Variants in AK4 observed in about 807,000 individuals in gnomAD.
The protein encoded by AK4 is adenylate kinase 4, mitochondrial.
Under a neutral mutation model 24.6 loss-of-function variants are expected in AK4, and 13 were observed. That is an observed-to-expected ratio of 0.53 (90% CI 0.34 to 0.84). The LOEUF is 0.84. AK4 is among the 40% of genes least tolerant of loss of function. The pLI, the probability that AK4 is intolerant of heterozygous loss-of-function variation, is 0.01. For missense variants in AK4, 192 were observed against 288.2 expected (o/e 0.67, Z 2.42); for synonymous variants, 88 against 107.0 (o/e 0.82, Z 1.10).
intron 2 of AK4, among the ~76,000 whole-genome samples, chr1:65,209,637 T>G (rs1010743468): frequency 1.3e-5 from 2 of 152,196 alleles, no homozygotes; most frequent in African/African-American, 4.8e-5. Context: ...GAAGTACACC[T>G]GAATTGCTTT....
chr1:65,225,304 G>A (rs1222388393), intron 4 of AK4, among the ~76,000 whole-genome samples: 1 of 152,136 alleles, frequency 6.6e-6, no homozygotes, highest in Non-Finnish European at 1.5e-5. Context: ...GTAAACCAGA[G>A]ATTAAAAATT....
chr1:65,209,437 A>G (rs1651908371), intron 2 of AK4, among the ~76,000 whole-genome samples: 1 of 152,196 alleles, frequency 6.6e-6, no homozygotes, highest in Admixed American at 6.5e-5. Flanking sequence ...TTCTCTCTAA[A>G]TGGAAAAATT....
At chr1:65,207,558 T>G (rs867032802) in intron 2 of AK4, among the ~76,000 whole-genome samples, 1 of 151,722 alleles carries the variant, frequency 6.6e-6, no homozygotes, top group African/African-American at 2.4e-5. Flanking sequence ...TGCTGTTTTT[T>G]TTTTTTTTTT....
At chr1:65,181,902 T>C (rs549937368) in intron 1 of AK4, among the ~76,000 whole-genome samples, 1 of 151,864 alleles carries the variant, frequency 6.6e-6, no homozygotes, top group South Asian at 2.1e-4. Context: ...TGGCACAGAG[T>C]AGTTGCTCAG....
intron 1 of AK4, among the ~76,000 whole-genome samples, chr1:65,184,645 T>C (rs2101031224): frequency 6.6e-6 from 1 of 152,310 alleles, no homozygotes; most frequent in East Asian, 1.9e-4. Flanking sequence ...AGCAGGTAAG[T>C]CCATGCATGC....
chr1:65,218,633 T>C lies in AK4; in HGVS notation c.266-121T>C. On this transcript the variant is annotated intron_variant, in intron 2 of 4. Coordinates refer to ENST00000327299, the MANE Select transcript of AK4 (RefSeq NM_013410.4). ...GATGCAAATGATCCCATCACCCAGA[T>C]AGTGTAAAGCTCCTTTTAGAATGGT... 5.5e-6 allele frequency: 5 copies of C among 905,974 alleles called. No homozygotes were observed. The South Asian group carries it at 1.2e-4, about 22-fold the overall frequency. The allele number at this position is 905,974 out of a possible 1,614,324, so 56.1% of individuals were successfully genotyped here.
chr1:65,186,110 T>A (rs1207447420), intron 1 of AK4, among the ~76,000 whole-genome samples: 2 of 152,164 alleles, frequency 1.3e-5, no homozygotes, highest in Non-Finnish European at 2.9e-5. Flanking sequence ...ATGCAACATA[T>A]TTTTTAAATT....
chr1:65,219,976 T>TC (rs1473283298), intron 3 of AK4, among the ~76,000 whole-genome samples: 1 of 152,350 alleles, frequency 6.6e-6, no homozygotes, highest in East Asian at 1.9e-4. Context: ...CTATAGAATG[T>TC]CATATCGTTG....
chr1:65,171,253 C>CT (rs562201269), intron 1 of AK4, among the ~76,000 whole-genome samples: 15,618 of 116,306 alleles, frequency 0.13, 1,397 homozygotes, highest in African/African-American at 0.25. Context: ...AATTATAGGC[C>CT]TTTTTTTTTT....
chr1:65,172,183 A>T (rs888664941), intron 1 of AK4, among the ~76,000 whole-genome samples: 3 of 148,188 alleles, frequency 2.0e-5, no homozygotes, highest in African/African-American at 7.4e-5. Context: ...TTAAAACGTA[A>T]CTTTTGTTTG....
At chr1:65,164,039 T>TG (rs768266353) in intron 1 of AK4, among the ~76,000 whole-genome samples, 1 of 152,244 alleles carries the variant, frequency 6.6e-6, no homozygotes, top group East Asian at 1.9e-4. Context: ...AGGAGCAATT[T>TG]GGGGAGGTTT....
At chr1:65,201,894 T>C (rs764930138) in intron 2 of AK4, among the ~76,000 whole-genome samples, 9 of 152,146 alleles carry the variant, frequency 5.9e-5, no homozygotes, top group Non-Finnish European at 1.3e-4. Context: ...CCACAAGTAG[T>C]TGGGTAACCC....
At chr1:65,224,104 G>C (rs1652381021) in intron 3 of AK4, among the ~76,000 whole-genome samples, 1 of 152,082 alleles carries the variant, frequency 6.6e-6, no homozygotes, top group South Asian at 2.1e-4. Flanking sequence ...CTAAAATAAA[G>C]GATTTAACAA....
At chr1:65,185,023 C>A (rs1557451208) in intron 1 of AK4, among the ~76,000 whole-genome samples, 1 of 152,146 alleles carries the variant, frequency 6.6e-6, no homozygotes, top group African/African-American at 2.4e-5. Flanking sequence ...AAGTCTTCCA[C>A]AGAGTTATTT....
intron 1 of AK4, among the ~76,000 whole-genome samples, chr1:65,175,418 G>A (rs1305547786): frequency 6.6e-6 from 1 of 152,248 alleles, no homozygotes; most frequent in Non-Finnish European, 1.5e-5. Flanking sequence ...GTGAGCAGAT[G>A]GCACTGGAGA....
At position 65,148,315 on chromosome 1, in the gene AK4, A is replaced by G; in HGVS notation, c.-93A>G. 3 of 1,455,500 alleles carry G rather than the reference A, an allele frequency of 2.1e-6. No individual in the cohort carries two copies. 90.2% of individuals were successfully genotyped at this position (1,455,500 alleles called of 1,614,324 possible). ...AGTCCCAGTGAGAGCGGAGGGTGCC[A>G]GAGGTAGGGGGCCGAGAAACAAAGT... On this transcript the variant is annotated 5_prime_UTR_variant, in exon 1 of 5. Transcript: ENST00000327299.
In AK4 at chr1:65,183,774, T is replaced by C. The variant is rs561112478; in HGVS notation, c.146-6936T>C. 3.9e-5 allele frequency among the ~76,000 whole-genome samples: 6 copies of C among 152,120 alleles called. No homozygotes were observed. In the South Asian group the frequency reaches 1.0e-3, roughly 26 times the overall value. ...GCTCTTCTACTTACAGGTCTTTTCTTTTTAACCAGCCTTAAGATGATGCAG... is the reference window on the plus strand; with the variant it reads ...GCTCTTCTACTTACAGGTCTTTTCTCTTTAACCAGCCTTAAGATGATGCAG... On this transcript the variant is annotated intron_variant, in intron 1 of 4. Transcript: ENST00000327299.
chr1:65,161,085 T>A (rs753074672), intron 1 of AK4, among the ~76,000 whole-genome samples: 1 of 152,132 alleles, frequency 6.6e-6, no homozygotes, highest in Non-Finnish European at 1.5e-5. Context: ...GTTGTTGTTC[T>A]GTCCCTAAAA....
intron 2 of AK4, among the ~76,000 whole-genome samples, chr1:65,199,784 T>A (rs1161177617): frequency 6.6e-6 from 1 of 152,216 alleles, no homozygotes; most frequent in Non-Finnish European, 1.5e-5. Flanking sequence ...TTTTAGAATG[T>A]CTGCCTTATA....
Sources: allele counts gnomAD v4.1 joint callset (sites outside exome capture counted in the v4.1 genomes callset), GRCh38; gene constraint gnomAD v4.1.1; transcripts MANE v1.5; gene names NCBI Gene and HGNC (gene_info 2026-07-23, HGNC 2026-07-21).